ADCY5: variants seen among roughly 807,000 people sequenced by gnomAD.
ADCY5 encodes the protein adenylate cyclase 5, also known as adenylate cyclase type 5.
In ADCY5, 30 loss-of-function variants were observed where a neutral mutation model predicts 119.7. The observed-to-expected ratio is 0.25, with a 90% CI of 0.19 to 0.34. ADCY5 has a LOEUF of 0.34. Among genes scored for constraint, ADCY5 ranks in the 10% least tolerant of loss-of-function variants. The probability of loss-of-function intolerance (pLI) is 1.00; values close to 1 mark genes in which losing one functional copy is unlikely to be tolerated. For missense variants in ADCY5, 1,324 were observed against 1,775.2 expected, an observed-to-expected ratio of 0.75 and a Z score of 4.57; for synonymous variants, 753 against 762.2, an observed-to-expected ratio of 0.99 and a Z score of 0.20.
At chr3:123,433,792 A>G (rs936561224) in intron 1 of ADCY5, among the ~76,000 whole-genome samples, 2 of 152,148 alleles carry the variant, frequency 1.3e-5, no homozygotes, top group African/African-American at 4.8e-5. Context: ...TGCCACCAGA[A>G]GACGGGCTGT....
In ADCY5 at chr3:123,314,320, G is replaced by C. The variant is rs1940771330; in HGVS notation, c.2357C>G (p.Ser786Cys). The change falls in exon 12 of 21, where the codon TCC becomes TGC. Residue 786 changes from serine to cysteine, a missense_variant and splice_region_variant. Around this residue, in one of 6 missense-constraint regions of ADCY5, gnomAD observed 424 missense variants for 546.8 expected, o/e 0.78. Coordinates refer to ENST00000462833, the MANE Select transcript of ADCY5 (RefSeq NM_183357.3). ...CAGGTAGAAGCTGAGCATGAATATG[G>C]AGCTGGAAGGAGAGAGGAGGGGAGG... ...CFVQITIVPHSIFMLSFYLTC... is the reference protein window; with the variant it reads ...CFVQITIVPHCIFMLSFYLTC... 1.9e-6 allele frequency: 3 copies of C among 1,610,830 alleles called. No individual in the cohort carries two copies. Among genetic ancestry groups the C allele is most frequent in the Admixed American group, 3.3e-5 (2 of 59,852 alleles).
In ADCY5 at chr3:123,301,246, C is replaced by T. The variant is rs369879840; in HGVS notation, c.2725-951G>A. 1.2e-4 allele frequency among the ~76,000 whole-genome samples: 18 copies of T among 152,288 alleles called. No homozygotes were observed. In the East Asian group the frequency reaches 2.3e-3, roughly 20 times the overall value. On this transcript the variant is annotated intron_variant, in intron 14 of 20. Transcript: ENST00000462833. ...CAGGCTTCCAGATGTTTACTCTTCG[C>T]ACACGGCTTCTGCCCTGGGCTGGGG...
rs758081144 is a variant in ADCY5, at chr3:123,304,154, G to A, written c.2472C>T (p.Ser824=). 22 of 1,613,228 alleles carry A rather than the reference G, an allele frequency of 1.4e-5. No homozygotes were observed. In the South Asian group the frequency reaches 2.2e-4, roughly 16 times the overall value. ...KLFPSPLQTL[S]RKIVRSKMNS... is the part of the protein sequence containing the mutation. Reference sequence around the variant, plus strand: ...TCATCTTGGACCGCACGATCTTCCTGGAGAGGGTCTGCAGTGGGGAGGGGA... The same window carrying A: ...TCATCTTGGACCGCACGATCTTCCTAGAGAGGGTCTGCAGTGGGGAGGGGA... The change falls in exon 13 of 21, where the codon TCC becomes TCT. Residue 824 remains serine (S), a synonymous_variant. Transcript: ENST00000462833.
intron 17 of ADCY5, among the ~76,000 whole-genome samples, chr3:123,291,737 G>C (rs1939167332): frequency 6.6e-6 from 1 of 152,186 alleles, no homozygotes. Context: ...AAGGGAAAAG[G>C]ATCCAAAACA....
At chr3:123,440,596 A>ACAC (rs1945706297) in intron 1 of ADCY5, among the ~76,000 whole-genome samples, 1 of 150,934 alleles carries the variant, frequency 6.6e-6, no homozygotes, top group Non-Finnish European at 1.5e-5. Flanking sequence ...CCCTTCCTTC[A>ACAC]CACCACCTCG....
At chr3:123,379,916 G>A (rs965137425) in intron 1 of ADCY5, among the ~76,000 whole-genome samples, 12 of 152,108 alleles carry the variant, frequency 7.9e-5, no homozygotes, top group Non-Finnish European at 1.3e-4. Flanking sequence ...CAGAAGAACC[G>A]GAGACTCAAA....
At chr3:123,309,190 G>A (rs77750957) in intron 12 of ADCY5, among the ~76,000 whole-genome samples, 4,324 of 152,244 alleles carry the variant, frequency 0.028, 180 homozygotes, top group African/African-American at 0.094. Context: ...TCTGTGATGC[G>A]GGGCCAGGGT....
At chr3:123,444,642 G>A (rs1258061002) in intron 1 of ADCY5, among the ~76,000 whole-genome samples, 1 of 152,184 alleles carries the variant, frequency 6.6e-6, no homozygotes, top group Non-Finnish European at 1.5e-5. Context: ...CAAGGGCAGA[G>A]CCCCACACAT....
chr3:123,349,164 C>A (rs983130620), intron 2 of ADCY5, among the ~76,000 whole-genome samples: 1 of 152,234 alleles, frequency 6.6e-6, no homozygotes, highest in Non-Finnish European at 1.5e-5. Flanking sequence ...GACATCACAC[C>A]CAAACCACAC....
At chr3:123,349,230 G>T (rs553088122) in intron 2 of ADCY5, among the ~76,000 whole-genome samples, 17 of 152,222 alleles carry the variant, frequency 1.1e-4, no homozygotes, top group African/African-American at 4.1e-4. Context: ...CCCTGCCTTT[G>T]CCTGGGACAG....
At chr3:123,404,161 G>C (rs1421703790) in intron 1 of ADCY5, 1 of 152,238 alleles carries the variant, frequency 6.6e-6, no homozygotes, top group Non-Finnish European at 1.5e-5. Flanking sequence ...ACCAGCGAAG[G>C]CCACACAGTC....
At chr3:123,342,166 T>C (rs934218003) in intron 3 of ADCY5, among the ~76,000 whole-genome samples, 1 of 152,196 alleles carries the variant, frequency 6.6e-6, no homozygotes, top group African/African-American at 2.4e-5. Context: ...TCATGTGGTC[T>C]GTTGGCTGAG....
At chr3:123,413,228 A>C (rs946995371) in intron 1 of ADCY5, among the ~76,000 whole-genome samples, 13 of 152,186 alleles carry the variant, frequency 8.5e-5, no homozygotes, top group African/African-American at 3.1e-4. Flanking sequence ...GACCTTTCGG[A>C]AGGCAGGAGC....
At chr3:123,394,088 C>CCA (rs1251147544) in intron 1 of ADCY5, among the ~76,000 whole-genome samples, 6 of 152,080 alleles carry the variant, frequency 3.9e-5, no homozygotes, top group Non-Finnish European at 8.8e-5. Flanking sequence ...CAAGATCGTG[C>CCA]CACTACACTC....
chr3:123,368,973 G>A (rs901397240), intron 1 of ADCY5, among the ~76,000 whole-genome samples: 5 of 152,176 alleles, frequency 3.3e-5, no homozygotes, highest in African/African-American at 7.2e-5. Context: ...CTCTGATGGT[G>A]AGCATCAAAC....
At chr3:123,397,940 A>C (rs987218746) in intron 1 of ADCY5, among the ~76,000 whole-genome samples, 1 of 152,172 alleles carries the variant, frequency 6.6e-6, no homozygotes, top group African/African-American at 2.4e-5. Context: ...GAGAGTAAAG[A>C]GAGGACCAAG....
chr3:123,414,141 G>A (rs1945129431), intron 1 of ADCY5, among the ~76,000 whole-genome samples: 2 of 152,048 alleles, frequency 1.3e-5, no homozygotes, highest in Admixed American at 1.3e-4. Flanking sequence ...AATGACTTTG[G>A]GGGACACCAA....
At chr3:123,335,093 C>A (rs1941958529) in intron 3 of ADCY5, among the ~76,000 whole-genome samples, 1 of 152,128 alleles carries the variant, frequency 6.6e-6, no homozygotes, top group Non-Finnish European at 1.5e-5. Flanking sequence ...GACGACAACC[C>A]CTGCCCTCGC....
At chr3:123,396,277 G>A (rs1034556341) in intron 1 of ADCY5, among the ~76,000 whole-genome samples, 9 of 146,342 alleles carry the variant, frequency 6.1e-5, no homozygotes, top group Non-Finnish European at 1.0e-4. Flanking sequence ...GAGAGAAAGA[G>A]AGAGAGGGAA....
Sources: allele counts gnomAD v4.1 joint callset (sites outside exome capture counted in the v4.1 genomes callset), GRCh38; gene constraint gnomAD v4.1.1; regional missense constraint gnomAD v4.1.1; transcripts MANE v1.5; gene names NCBI Gene and HGNC (gene_info 2026-07-23, HGNC 2026-07-21).